CENATAC: variants seen among roughly 807,000 people sequenced by gnomAD.
The protein encoded by CENATAC is coiled-coil domain containing 84.
Under a neutral mutation model 53.7 loss-of-function variants are expected in CENATAC, and 53 were observed. The observed-to-expected ratio is 0.99, with a 90% CI of 0.79 to 1.24. The LOEUF is 1.24. Ranked by LOEUF, CENATAC falls within the 50% of genes most tolerant of loss-of-function variation. The pLI, the probability that CENATAC is intolerant of heterozygous loss-of-function variation, is 0.00. For missense variants in CENATAC, 474 were observed against 417.8 expected (o/e 1.13, Z -1.17); for synonymous variants, 156 against 144.6 (o/e 1.08, Z -0.57).
At chr11:119,011,863 T>A in intron 5 of CENATAC, 76 bp from the exon 6 acceptor site, 1 of 1,258,890 alleles carries the variant, frequency 7.9e-7, no homozygotes, top group Admixed American at 1.8e-5. Context: ...GATACTGGGG[T>A]CTGGAGGGTG....
rs1377864648 is a variant in CENATAC, at chr11:119,015,587, G to GA, written c.994dup (p.Ser332LysfsTer67). 3.1e-6 allele frequency: 5 copies of GA among 1,613,942 alleles called. No individual in the cohort carries two copies. The African/African-American group carries it at 4.0e-5, about 13-fold the overall frequency. On this transcript the variant is annotated frameshift_variant, in exon 11 of 11. Transcript: ENST00000334418. LOFTEE classifies it high-confidence loss of function. ...AGCAATGAAGAAGCAGTCACATACA[G>GA]AAAAAAGCTAATCATGCTCTCTACC...
intron 8 of CENATAC, chr11:119,014,149 A>C (rs1432471777): frequency 1.3e-5 from 2 of 152,264 alleles, no homozygotes; most frequent in African/African-American, 2.4e-5. Context: ...CTTGTACACA[A>C]ATCTTCAGAA....
chr11:119,009,198 G>A (rs533984926), intron 3 of CENATAC, among the ~76,000 whole-genome samples: 2 of 151,950 alleles, frequency 1.3e-5, no homozygotes, highest in African/African-American at 2.4e-5. Flanking sequence ...GCCCGATCTC[G>A]GCTCACTGCA....
At chr11:119,011,309 C>A in intron 5 of CENATAC, 26 bp downstream of exon 5, 11 of 1,610,662 alleles carry the variant, frequency 6.8e-6, no homozygotes, top group Non-Finnish European at 9.3e-6. Context: ...AGGATCCAGA[C>A]CAGTATCCAA....
intron 3 of CENATAC, chr11:119,005,949 T>C (rs951395907): frequency 2.0e-5 from 3 of 150,914 alleles, no homozygotes; most frequent in African/African-American, 7.3e-5. Context: ...TTTTTTTTTT[T>C]TTTTTGAGAT....
intron 3 of CENATAC, among the ~76,000 whole-genome samples, chr11:119,000,251 A>C (rs1418436960): frequency 6.6e-6 from 1 of 152,082 alleles, no homozygotes; most frequent in African/African-American, 2.4e-5. Flanking sequence ...CTTTCGCTTT[A>C]AGTTGTCATG....
chr11:118,999,316 A>G (rs189782792), intron 3 of CENATAC: 1 of 521,770 alleles, frequency 1.9e-6, no homozygotes, highest in African/African-American at 1.9e-5. Flanking sequence ...TTTAGCAAAT[A>G]GAGAACAATA....
intron 3 of CENATAC, among the ~76,000 whole-genome samples, chr11:119,006,127 G>A (rs71482164): frequency 1.6e-5 from 2 of 122,410 alleles, no homozygotes; most frequent in African/African-American, 3.3e-5. Context: ...TTGCTCTGTC[G>A]CCAGGCTGGA....
rs1433698067 is a variant in CENATAC at position 119,010,832 on chromosome 11, T to A, written c.450+2T>A. On this transcript the variant is annotated splice_donor_variant, in intron 4 of 10. Transcript: ENST00000334418. LOFTEE classifies it high-confidence loss of function. ...AAGGAGGATAAAGTGATCAAGGAGG[T>A]AAGTTAAAGTAGCAGTCCCTCACCC... The A allele has an allele frequency of 6.2e-7, 1 of 1,613,300 alleles. No individual in the cohort carries two copies. The highest frequency in any genetic ancestry group is 2.2e-5 in the East Asian group (1 of 44,882).
At chr11:119,001,125 T>C (rs949680021) in intron 3 of CENATAC, among the ~76,000 whole-genome samples, 1 of 152,152 alleles carries the variant, frequency 6.6e-6, no homozygotes, top group Admixed American at 6.6e-5. Flanking sequence ...CTGAAAAATA[T>C]GCAGGAACCA....
At chr11:119,000,446 T>C (rs2134519639) in intron 3 of CENATAC, among the ~76,000 whole-genome samples, 1 of 152,080 alleles carries the variant, frequency 6.6e-6, no homozygotes, top group Admixed American at 6.5e-5. Flanking sequence ...CCTTTTTTTT[T>C]TTTTTTTTTA....
intron 7 of CENATAC, chr11:119,012,909 G>T (rs187167167): frequency 1.1e-5 from 3 of 277,534 alleles, no homozygotes; most frequent in East Asian, 1.3e-4. Context: ...AGTTGCAAAT[G>T]TAATTTACGT....
rs1053037425 is a variant in CENATAC, at chr11:119,010,964, A to T, written c.450+134A>T. The T allele has an allele frequency of 6.9e-4, 527 of 766,008 alleles. 1 individual carries two copies. The highest frequency in any genetic ancestry group is 6.3e-3 in the Middle Eastern group (17 of 2,688). 47.5% of individuals were successfully genotyped at this position (766,008 alleles called of 1,614,324 possible). A position where few individuals can be genotyped will look rare whatever the true frequency, so the allele number is the denominator to read the frequency against. On this transcript the variant is annotated intron_variant, in intron 4 of 10. Coordinates refer to ENST00000334418, the MANE Select transcript of CENATAC (RefSeq NM_198489.3). ...GCTCCACCTCAGATCATCAGGCACT[A>T]GATTCTCATAAGGAGCACGCAACCT... is the stretch of plus-strand genomic sequence containing the variant.
intron 7 of CENATAC, 189 bp downstream of exon 7, chr11:119,012,443 G>A (rs782660496): frequency 4.1e-5 from 24 of 587,386 alleles, no homozygotes; most frequent in Non-Finnish European, 6.7e-5. Flanking sequence ...CACATGTATT[G>A]ACACTTAGGA....
rs1413470102 is a variant in CENATAC, at chr11:119,015,074, C to T, written c.796C>T (p.Leu266Phe). The T allele has an allele frequency of 6.2e-7, 1 of 1,605,234 alleles. No homozygotes were observed. Among genetic ancestry groups the T allele is most frequent in the Non-Finnish European group, 8.5e-7 (1 of 1,175,240 alleles). ...AATAGGACCATCCTATGAAGAATTT[C>T]TTAAAGAAAGTAAGTAAACTAATTC... The part of the protein sequence containing the change: ...QEIGPSYEEF[L>F]KEKEKQKLKK... Residue 266 changes from leucine to phenylalanine, a missense_variant, in exon 9 of 11, where the codon CTT becomes TTT. Transcript: ENST00000334418.
In CENATAC at chr11:118,998,226, G is replaced by A. The variant is rs1486222603; in HGVS notation, c.29G>A (p.Cys10Tyr). Residue 10 changes from cysteine to tyrosine, a missense_variant, in exon 1 of 11, where the codon TGC becomes TAC. By Grantham distance (194) the Cys-to-Tyr change is radical. Transcript: ENST00000334418. ...GCGCCGGCGCAGCGCTGCCCTCTGT[G>A]CCGCCAGACCTTCTTCTGTGGTCGC... Reference protein sequence around the residue: MAPAQRCPLCRQTFFCGRGH... With the variant: MAPAQRCPLYRQTFFCGRGH... 3 of 1,584,360 alleles carry A rather than the reference G, an allele frequency of 1.9e-6. No homozygotes were observed. The highest frequency in any genetic ancestry group is 2.6e-6 in the Non-Finnish European group (3 of 1,165,824).
intron 3 of CENATAC, among the ~76,000 whole-genome samples, chr11:119,000,161 T>C (rs1018913204): frequency 9.9e-5 from 15 of 152,220 alleles, no homozygotes; most frequent in African/African-American, 3.6e-4. Flanking sequence ...TTTGACATAT[T>C]TTAAGCCAAC....
intron 5 of CENATAC, among the ~76,000 whole-genome samples, chr11:119,011,527 C>T (rs917355358): frequency 3.9e-5 from 6 of 152,078 alleles, no homozygotes; most frequent in Non-Finnish European, 8.8e-5. Context: ...TTACAGGTGC[C>T]GCCACCACGC....
intron 3 of CENATAC, chr11:119,003,438 T>G (rs1592055028): frequency 2.1e-6 from 1 of 477,940 alleles, no homozygotes; most frequent in East Asian, 5.3e-5. Flanking sequence ...TCTTAGCTTT[T>G]GGTGCCATCT....
Sources: allele counts gnomAD v4.1 joint callset (sites outside exome capture counted in the v4.1 genomes callset), GRCh38; gene constraint gnomAD v4.1.1; transcripts MANE v1.5; gene names NCBI Gene and HGNC (gene_info 2026-07-23, HGNC 2026-07-21).